Variants in CCDC102B observed in about 807,000 individuals in gnomAD.
The protein encoded by CCDC102B is coiled-coil domain containing 102B, also known as coiled-coil domain-containing protein 102B.
A neutral mutation model predicts 57.4 loss-of-function variants in CCDC102B; 75 were observed. The observed-to-expected ratio is 1.31, with a 90% CI of 1.08 to 1.58. The LOEUF (loss-of-function observed/expected upper bound fraction) is 1.58, where lower values mean the gene tolerates loss of function less well. Ranked by LOEUF, CCDC102B falls within the 40% of genes most tolerant of loss-of-function variation. CCDC102B has a pLI of 0.00. For missense variants in CCDC102B, 636 were observed against 582.6 expected (o/e 1.09, Z -0.94); for synonymous variants, 206 against 201.9 (o/e 1.02, Z -0.17).
rs138124123 is a variant in CCDC102B at position 69,008,296 on chromosome 18, G to A, written c.1264-2638G>A. ...TGAGAAATCTGTTTGCATTTTAAGT[G>A]TAATGTGTGGTATAATTCAGCAAAC... On this transcript the variant is annotated intron_variant, in intron 6 of 7. Transcript: ENST00000360242. Among the ~76,000 whole-genome samples the A allele has an allele frequency of 2.9e-3, 443 of 152,276 alleles. 1 individual carries two copies. Among genetic ancestry groups the A allele is most frequent in the African/African-American group, 9.9e-3 (412 of 41,574 alleles).
intron 2 of CCDC102B, among the ~76,000 whole-genome samples, chr18:68,776,538 A>G (rs567085686): frequency 2.0e-5 from 3 of 152,332 alleles, no homozygotes; most frequent in East Asian, 3.9e-4. Flanking sequence ...GCTGGAGGTC[A>G]TTATCCTTAG....
intron 2 of CCDC102B, among the ~76,000 whole-genome samples, chr18:68,724,934 G>A (rs776167670): frequency 4.7e-4 from 72 of 152,314 alleles, no homozygotes; most frequent in Non-Finnish European, 8.8e-4. Context: ...GGAAATACCT[G>A]AGACTGGGTA....
chr18:68,758,584 G>A (rs1000784484), intron 2 of CCDC102B, among the ~76,000 whole-genome samples: 7 of 151,868 alleles, frequency 4.6e-5, no homozygotes, highest in Non-Finnish European at 1.0e-4. Flanking sequence ...TAAATTGGTG[G>A]TTATGACCCC....
At chr18:68,861,397 G>T (rs1180519919) in intron 4 of CCDC102B, among the ~76,000 whole-genome samples, 2 of 151,964 alleles carry the variant, frequency 1.3e-5, no homozygotes, top group African/African-American at 4.8e-5. Flanking sequence ...ACCTTGTTGG[G>T]TGCTAAATAT....
chr18:68,980,369 G>A (rs968356144), intron 6 of CCDC102B, among the ~76,000 whole-genome samples: 1 of 140,448 alleles, frequency 7.1e-6, no homozygotes, highest in Non-Finnish European at 1.5e-5. Flanking sequence ...GGCCTGATAT[G>A]TCCTGTCACT....
intron 6 of CCDC102B, among the ~76,000 whole-genome samples, chr18:68,927,487 G>T (rs117492931): frequency 1.3e-5 from 2 of 151,796 alleles, no homozygotes; most frequent in African/African-American, 2.4e-5. Context: ...GTCTTCATAC[G>T]CTGTTCTGTT....
At chr18:68,823,396 G>C (rs1191081182) in intron 1 of CCDC102B, 1 of 152,152 alleles carries the variant, frequency 6.6e-6, no homozygotes, top group African/African-American at 2.4e-5. Context: ...TGGACAACTT[G>C]CCGTCAAGAC....
At chr18:69,017,834 G>A (rs1304654657) in intron 7 of CCDC102B, among the ~76,000 whole-genome samples, 2 of 152,146 alleles carry the variant, frequency 1.3e-5, no homozygotes, top group East Asian at 3.9e-4. Flanking sequence ...CTGTCTGCTC[G>A]CTGCTTCTAT....
chr18:68,855,250 T>C (rs759542878), intron 4 of CCDC102B, among the ~76,000 whole-genome samples: 3 of 152,112 alleles, frequency 2.0e-5, no homozygotes, highest in Non-Finnish European at 4.4e-5. Context: ...ATGAAATATG[T>C]AAAGAGGTGA....
chr18:69,035,568 A>G (rs2052268327), intron 7 of CCDC102B, among the ~76,000 whole-genome samples: 1 of 152,110 alleles, frequency 6.6e-6, no homozygotes, highest in East Asian at 1.9e-4. Context: ...TACATGTAGA[A>G]TCATGTAACA....
At chr18:68,755,856 G>T (rs994434422) in intron 2 of CCDC102B, among the ~76,000 whole-genome samples, 2 of 151,136 alleles carry the variant, frequency 1.3e-5, no homozygotes, top group African/African-American at 4.8e-5. Context: ...ATAAATAATA[G>T]AAATAGTATA....
chr18:69,054,238 T>A lies in CCDC102B; in HGVS notation c.*101T>A. On this transcript the variant is annotated 3_prime_UTR_variant, in exon 8 of 8. Coordinates refer to ENST00000360242, the MANE Select transcript of CCDC102B (RefSeq NM_024781.3). ...AAATTGTTTTTATTAACTAGAAATA[T>A]TAATGAAAAAAACGTAGACAATACA... 1.4e-6 allele frequency: 2 copies of A among 1,385,072 alleles called. No individual in the cohort carries two copies. The highest frequency in any genetic ancestry group is 2.5e-4 in the Middle Eastern group (1 of 3,990). 85.8% of individuals were successfully genotyped at this position (1,385,072 alleles called of 1,614,324 possible). A position where few individuals can be genotyped will look rare whatever the true frequency, so the allele number is the denominator to read the frequency against.
chr18:68,742,349 C>T (rs1453865425), intron 2 of CCDC102B, among the ~76,000 whole-genome samples: 1 of 152,132 alleles, frequency 6.6e-6, no homozygotes, highest in Admixed American at 6.6e-5. Flanking sequence ...TGATTAAAGG[C>T]CCACCCTACT....
chr18:68,831,027 T>A (rs1487825285), intron 1 of CCDC102B, among the ~76,000 whole-genome samples: 1 of 152,036 alleles, frequency 6.6e-6, no homozygotes, highest in East Asian at 1.9e-4. Flanking sequence ...GAAGTCACAC[T>A]GGTCACTTTT....
At chr18:68,810,697 T>A (rs28429057) in intron 1 of CCDC102B, among the ~76,000 whole-genome samples, 3 of 143,938 alleles carry the variant, frequency 2.1e-5, no homozygotes, top group African/African-American at 8.0e-5. Flanking sequence ...TTTTTTTTTT[T>A]TTTTTTTTTT....
At chr18:68,821,582 A>AT (rs1347856088) in intron 1 of CCDC102B, among the ~76,000 whole-genome samples, 1 of 118,158 alleles carries the variant, frequency 8.5e-6, no homozygotes, top group African/African-American at 3.5e-5. Context: ...ATGCACTGCA[A>AT]AACATGCCAA....
chr18:68,829,924 C>T (rs1417991868), intron 1 of CCDC102B, among the ~76,000 whole-genome samples: 1 of 151,702 alleles, frequency 6.6e-6, no homozygotes, highest in Non-Finnish European at 1.5e-5. Context: ...AATGTAAAAA[C>T]AACAACAACA....
At chr18:68,888,162 G>A (rs1052049598) in intron 5 of CCDC102B, among the ~76,000 whole-genome samples, 2 of 151,944 alleles carry the variant, frequency 1.3e-5, no homozygotes, top group Non-Finnish European at 2.9e-5. Flanking sequence ...ACATAGATAA[G>A]GAAAAACATA....
intron 6 of CCDC102B, among the ~76,000 whole-genome samples, chr18:68,900,670 C>G (rs1477541461): frequency 6.6e-6 from 1 of 151,894 alleles, no homozygotes; most frequent in Non-Finnish European, 1.5e-5. Context: ...TGTTTTATAA[C>G]AAATATTAGT....
Sources: gnomAD v4.1 joint callset for allele counts (sites outside exome capture counted in the v4.1 genomes callset) on GRCh38, gnomAD v4.1.1 for gene constraint, MANE v1.5 for transcripts, NCBI Gene and HGNC (gene_info 2026-07-23, HGNC 2026-07-21) for gene names.